PDE3A: variants seen among roughly 807,000 people sequenced by gnomAD.
PDE3A encodes the protein cGMP-inhibited 3',5'-cyclic phosphodiesterase 3A.
In PDE3A, 43 loss-of-function variants were observed where a neutral mutation model predicts 98.3. The ratio of observed to expected loss-of-function variants is 0.44; its 90% CI spans 0.34 to 0.56. The LOEUF (loss-of-function observed/expected upper bound fraction) is 0.56. Ranked by LOEUF, PDE3A falls within the 20% of genes least tolerant of loss-of-function variation. The probability of loss-of-function intolerance (pLI) is 0.01; values close to 1 mark genes in which losing one functional copy is unlikely to be tolerated. For synonymous variants in PDE3A, 663 were observed against 567.9 expected (o/e 1.17, Z -2.38); for missense variants, 1,427 against 1,440.7 (o/e 0.99, Z 0.15).
chr12:20,584,578 A>G (rs1417505298), intron 2 of PDE3A, among the ~76,000 whole-genome samples: 1 of 152,170 alleles, frequency 6.6e-6, no homozygotes, highest in Admixed American at 6.5e-5. Flanking sequence ...TGATTAAAAT[A>G]TTTTATTTTA....
intron 10 of PDE3A, among the ~76,000 whole-genome samples, chr12:20,642,245 G>T (rs768793023): frequency 2.9e-4 from 44 of 151,854 alleles, no homozygotes; most frequent in Non-Finnish European, 5.6e-4. Context: ...AAGAAAAGAG[G>T]GTAAGTAGGA....
At chr12:20,532,501 C>A (rs955137089) in intron 1 of PDE3A, among the ~76,000 whole-genome samples, 11 of 152,064 alleles carry the variant, frequency 7.2e-5, no homozygotes, top group Admixed American at 3.3e-4. Context: ...TAAATCTATC[C>A]ATTTACCAAT....
intron 1 of PDE3A, among the ~76,000 whole-genome samples, chr12:20,468,445 A>T (rs963579426): frequency 2.6e-5 from 4 of 152,216 alleles, no homozygotes; most frequent in African/African-American, 9.7e-5. Context: ...GACTGATTGT[A>T]AACATTAAAT....
intron 1 of PDE3A, among the ~76,000 whole-genome samples, chr12:20,452,876 C>T (rs1332937044): frequency 6.6e-6 from 1 of 152,168 alleles, no homozygotes; most frequent in African/African-American, 2.4e-5. Flanking sequence ...ACCATGTTAC[C>T]TTGATTAGGT....
intron 1 of PDE3A, among the ~76,000 whole-genome samples, chr12:20,467,703 A>T (rs1778218739): frequency 6.6e-6 from 1 of 151,896 alleles, no homozygotes. Flanking sequence ...TTGGGAGGCC[A>T]AGGTGGGTGG....
At chr12:20,676,866 T>C (rs1945655264) in intron 15 of PDE3A, among the ~76,000 whole-genome samples, 1 of 152,148 alleles carries the variant, frequency 6.6e-6, no homozygotes, top group African/African-American at 2.4e-5. Flanking sequence ...TTTGTGTGAG[T>C]TTCTCTGAGC....
At chr12:20,433,076 A>G (rs1011504025) in intron 1 of PDE3A, among the ~76,000 whole-genome samples, 2 of 152,154 alleles carry the variant, frequency 1.3e-5, no homozygotes, top group African/African-American at 4.8e-5. Flanking sequence ...TTCAACTATA[A>G]CAATGAATAG....
intron 1 of PDE3A, among the ~76,000 whole-genome samples, chr12:20,473,724 G>A (rs190660150): frequency 6.6e-5 from 10 of 151,708 alleles, no homozygotes; most frequent in African/African-American, 1.5e-4. Context: ...ATTTTTGAAC[G>A]CGTTAGAATC....
At chr12:20,483,305 T>C (rs547394194) in intron 1 of PDE3A, among the ~76,000 whole-genome samples, 28 of 152,132 alleles carry the variant, frequency 1.8e-4, no homozygotes, top group African/African-American at 6.5e-4. Flanking sequence ...AGGAGAATTG[T>C]TTGAACCCCG....
At chr12:20,578,653 C>T (rs952958921) in intron 2 of PDE3A, among the ~76,000 whole-genome samples, 1 of 152,036 alleles carries the variant, frequency 6.6e-6, no homozygotes, top group Non-Finnish European at 1.5e-5. Flanking sequence ...GTCCCTTATC[C>T]TAGGGCTAGA....
intron 2 of PDE3A, among the ~76,000 whole-genome samples, chr12:20,611,932 G>T (rs918327302): frequency 6.6e-6 from 1 of 151,098 alleles, no homozygotes; most frequent in Non-Finnish European, 1.5e-5. Context: ...TATGTATCTC[G>T]GTTGTCGTTG....
intron 1 of PDE3A, among the ~76,000 whole-genome samples, chr12:20,534,611 A>T (rs1248516492): frequency 6.6e-6 from 1 of 152,152 alleles, no homozygotes; most frequent in Admixed American, 6.5e-5. Context: ...TTGAAATCTC[A>T]TTGCTTGGCA....
chr12:20,556,505 T>C (rs530297337), intron 1 of PDE3A, among the ~76,000 whole-genome samples, 155 bp from the exon 2 acceptor site: 3 of 152,306 alleles, frequency 2.0e-5, no homozygotes, highest in African/African-American at 7.2e-5. Flanking sequence ...AACCAGGAGT[T>C]TGCTACTAAT....
intron 15 of PDE3A, among the ~76,000 whole-genome samples, chr12:20,677,915 G>A (rs536572666): frequency 4.4e-4 from 66 of 151,302 alleles, no homozygotes; most frequent in African/African-American, 1.5e-3. Context: ...GGCTTAGAGT[G>A]TGGTTATTAG....
intron 1 of PDE3A, among the ~76,000 whole-genome samples, chr12:20,442,097 T>C (rs921553722): frequency 6.6e-6 from 1 of 152,332 alleles, no homozygotes; most frequent in Admixed American, 6.5e-5. Context: ...CTTATTAACC[T>C]TCTTCTTCAT....
chr12:20,414,977 AAG>A (rs1475522259), intron 1 of PDE3A, among the ~76,000 whole-genome samples: 1 of 150,968 alleles, frequency 6.6e-6, no homozygotes, highest in Non-Finnish European at 1.5e-5. Flanking sequence ...TTTGATCATA[AAG>A]ATTAAACTTT....
chr12:20,374,276 A>G (rs1203825907), intron 1 of PDE3A, among the ~76,000 whole-genome samples: 2 of 152,130 alleles, frequency 1.3e-5, no homozygotes, highest in East Asian at 3.9e-4. Context: ...ATACTGAAAA[A>G]GTTTTTTAAG....
intron 3 of PDE3A, 66 bp from the exon 4 acceptor site, chr12:20,616,159 CTTCTA>C: frequency 7.4e-7 from 1 of 1,346,436 alleles, no homozygotes; most frequent in Non-Finnish European, 1.0e-6. Context: ...AGCTTGTTTC[CTTCTA>C]TTATATTACA....
intron 1 of PDE3A, among the ~76,000 whole-genome samples, chr12:20,454,824 A>G (rs554160141): frequency 1.3e-5 from 2 of 152,298 alleles, no homozygotes; most frequent in East Asian, 1.9e-4. Flanking sequence ...ATGACTGCAT[A>G]GTATTCCATG....
Sources: gnomAD v4.1 joint callset for allele counts (sites outside exome capture counted in the v4.1 genomes callset) on GRCh38, gnomAD v4.1.1 for gene constraint, MANE v1.5 for transcripts, NCBI Gene and HGNC (gene_info 2026-07-23, HGNC 2026-07-21) for gene names.